Variants in ANKRD46 observed in about 807,000 individuals in gnomAD.
ANKRD46 encodes ankyrin repeat domain 46, also known as ankyrin repeat domain-containing protein 46.
In ANKRD46, 13 loss-of-function variants were observed where a neutral mutation model predicts 19.8. The observed-to-expected ratio is 0.66, with a 90% CI of 0.43 to 1.04. The LOEUF is 1.04. ANKRD46 is among the 50% of genes least tolerant of loss of function. ANKRD46 has a pLI of 0.00. For synonymous variants in ANKRD46, 91 were observed against 106.9 expected (o/e 0.85, Z 0.92); for missense variants, 185 against 274.8 (o/e 0.67, Z 2.31).
In ANKRD46 at chr8:100,543,622, T is replaced by A. The variant is rs1812217769; in HGVS notation, c.-130-10311A>T. The stretch of plus-strand genomic sequence containing the variant: ...TCTTCAAACAATAGGAGAGTAAGTT[T>A]CTTGTTTTTAAATAAATAAATTACA... On this transcript the variant is annotated intron_variant, in intron 1 of 4. Transcript: ENST00000335659. The surrounding 1 kb of genome is among the most constrained non-coding windows in gnomAD (Gnocchi z 4.2). Among the ~76,000 whole-genome samples, 1 of 152,198 alleles carries A rather than the reference T, an allele frequency of 6.6e-6. No individual in the cohort carries two copies. Among genetic ancestry groups the A allele is most frequent in the Non-Finnish European group, 1.5e-5 (1 of 68,030 alleles).
chr8:100,522,514 A>G lies in ANKRD46; in HGVS notation c.*41T>C. The stretch of plus-strand genomic sequence containing the variant: ...AAACTGAGAACAAACATTGGAAGCC[A>G]GGAAACAGGCAATTAATTGCCTCAT... On this transcript the variant is annotated 3_prime_UTR_variant, in exon 5 of 5. Transcript: ENST00000335659. The G allele has an allele frequency of 6.2e-7, 1 of 1,606,458 alleles. No homozygotes were observed. The highest frequency in any genetic ancestry group is 8.5e-7 in the Non-Finnish European group (1 of 1,175,256).
At chr8:100,554,868 C>G (rs1366088256) in intron 1 of ANKRD46, among the ~76,000 whole-genome samples, 2 of 151,860 alleles carry the variant, frequency 1.3e-5, no homozygotes, top group African/African-American at 2.4e-5. Flanking sequence ...CCCATCTCCA[C>G]TAAAAATACA....
Position 100,532,276 on chromosome 8 carries a change from G to A in ANKRD46, c.-28+933C>T, listed in dbSNP as rs1265174013. 1 of 152,150 alleles carries A rather than the reference G, an allele frequency of 6.6e-6. No individual in the cohort carries two copies. Among genetic ancestry groups the A allele is most frequent in the African/African-American group, 2.4e-5 (1 of 41,420 alleles). 9.4% of individuals were successfully genotyped at this position (152,150 alleles called of 1,614,324 possible). ...AAGCCCAGGAGTTCGAAACTAGCCT[G>A]GGCAACATAGCGAGAGACCCTGTCT... On this transcript the variant is annotated intron_variant, in intron 2 of 4. Transcript: ENST00000335659. The surrounding 1 kb of genome is among the most constrained non-coding windows in gnomAD (Gnocchi z 4.7).
Position 100,511,357 on chromosome 8 carries a change from CAA to C in ANKRD46, c.637-720_637-719del, listed in dbSNP as rs2130622987. Reference sequence around the variant, plus strand: ...ACCACACTCTTCTGCCTCCCAGTCACAAAAGAGTGGGTGTTTATGACAAGGAG... The same window carrying C: ...ACCACACTCTTCTGCCTCCCAGTCACAAGAGTGGGTGTTTATGACAAGGAG... On this transcript the variant is annotated intron_variant, in intron 5 of 5. Coordinates refer to the ANKRD46 transcript ENST00000520552. The surrounding 1 kb of genome is among the most constrained non-coding windows in gnomAD (Gnocchi z 4.1). 6.6e-6 allele frequency among the ~76,000 whole-genome samples: 1 copy of C among 152,212 alleles called. No homozygotes were observed. Among genetic ancestry groups the C allele is most frequent in the South Asian group, 2.1e-4 (1 of 4,824 alleles).
At chr8:100,554,325 A>G (rs1315860272) in intron 1 of ANKRD46, among the ~76,000 whole-genome samples, 3 of 151,202 alleles carry the variant, frequency 2.0e-5, no homozygotes, top group Non-Finnish European at 4.4e-5. Flanking sequence ...ACTAAAAAAA[A>G]GTATCTACTT....
intron 1 of ANKRD46, among the ~76,000 whole-genome samples, chr8:100,552,706 G>C (rs1812418719): frequency 6.6e-6 from 1 of 152,128 alleles, no homozygotes; most frequent in Non-Finnish European, 1.5e-5. Flanking sequence ...TTTTTCTATG[G>C]TGTATAAATG....
At chr8:100,516,797 C>T (rs966538896), downstream of ANKRD46, among the ~76,000 whole-genome samples, 1 of 152,182 alleles carries the variant, frequency 6.6e-6, no homozygotes, top group African/African-American at 2.4e-5. Flanking sequence ...ACAAAAGTTC[C>T]TTGTCAGGGG....
In ANKRD46 at chr8:100,536,448, T is replaced by TA. The variant is rs1226639840; in HGVS notation, c.-130-3138dup. ...GGGTTTGAACCCCAGCTCAGCTACTTACTAGCTGTATGACTTAGCACTCAA... is the reference window on the plus strand; with the variant it reads ...GGGTTTGAACCCCAGCTCAGCTACTTAACTAGCTGTATGACTTAGCACTCAA... On this transcript the variant is annotated intron_variant, in intron 1 of 4. Coordinates refer to ENST00000335659, the MANE Select transcript of ANKRD46 (RefSeq NM_001270377.2). The surrounding 1 kb of genome is among the most constrained non-coding windows in gnomAD (Gnocchi z 4.9). Among the ~76,000 whole-genome samples, 1 of 152,210 alleles carries TA rather than the reference T, an allele frequency of 6.6e-6. No individual in the cohort carries two copies. Among genetic ancestry groups the TA allele is most frequent in the Non-Finnish European group, 1.5e-5 (1 of 68,040 alleles).
downstream of ANKRD46, chr8:100,520,741 TA>T (rs5893523): frequency 0.044 from 31,444 of 709,710 alleles, 142 homozygotes; most frequent in African/African-American, 0.11. Context: ...TATAATACAC[TA>T]AAAAAAAAAA....
intron 5 of ANKRD46, among the ~76,000 whole-genome samples, chr8:100,514,596 T>C (rs1811597720): frequency 6.7e-6 from 1 of 149,378 alleles, no homozygotes; most frequent in Non-Finnish European, 1.5e-5. Flanking sequence ...TTATCCTGAG[T>C]GTGGGTTATT....
intron 1 of ANKRD46, among the ~76,000 whole-genome samples, chr8:100,555,139 T>C (rs1563494397): frequency 1.3e-5 from 2 of 151,984 alleles, no homozygotes; most frequent in Non-Finnish European, 2.9e-5. Context: ...ATAGAATGCC[T>C]AGACAAAACC....
Position 100,511,191 on chromosome 8 carries a change from T to A in ANKRD46, c.637-552A>T, listed in dbSNP as rs927795072. On this transcript the variant is annotated intron_variant, in intron 5 of 5. Transcript: ENST00000520552. This position sits in a 1 kb window ranked among gnomAD's most constrained non-coding sequence, Gnocchi z 4.1. ...ATTCCCATGTAACAGATGAGCTGAG[T>A]CAGGAATATCCCCATTGAACAGATG... Among the ~76,000 whole-genome samples, 1 of 152,066 alleles carries A rather than the reference T, an allele frequency of 6.6e-6. No homozygotes were observed. Among genetic ancestry groups the A allele is most frequent in the Non-Finnish European group, 1.5e-5 (1 of 67,984 alleles).
Position 100,546,545 on chromosome 8 carries a change from C to T in ANKRD46, c.-131+13166G>A, listed in dbSNP as rs767042387. ...ATATGGAAATTCCTGGATGTCCAGA[C>T]AGAAGTCTGCTACAGGGGCAGAGCC... On this transcript the variant is annotated intron_variant, in intron 1 of 4. Coordinates refer to ENST00000335659, the MANE Select transcript of ANKRD46 (RefSeq NM_001270377.2). This position sits in a 1 kb window ranked among gnomAD's most constrained non-coding sequence, Gnocchi z 4.0. Among the ~76,000 whole-genome samples, 3 of 152,204 alleles carry T rather than the reference C, an allele frequency of 2.0e-5. No individual in the cohort carries two copies. Among genetic ancestry groups the T allele is most frequent in the Admixed American group, 6.5e-5 (1 of 15,282 alleles).
chr8:100,549,722 A>T (rs758231414), intron 1 of ANKRD46, among the ~76,000 whole-genome samples: 4 of 152,166 alleles, frequency 2.6e-5, no homozygotes, highest in Non-Finnish European at 4.4e-5. Context: ...CATAGTTTGC[A>T]TTAGGGTTCA....
intron 2 of ANKRD46, among the ~76,000 whole-genome samples, chr8:100,530,352 T>G (rs1250495577): frequency 1.3e-5 from 2 of 152,004 alleles, no homozygotes; most frequent in African/African-American, 2.4e-5. Context: ...GAACTTATAC[T>G]CAACAAAGAC....
intron 5 of ANKRD46, among the ~76,000 whole-genome samples, chr8:100,515,666 G>T (rs926612514): frequency 6.6e-6 from 1 of 151,268 alleles, no homozygotes; most frequent in African/African-American, 2.4e-5. Flanking sequence ...GGGGGAGGGG[G>T]GGGGCGGTGA....
chr8:100,553,425 A>G (rs190228254), intron 1 of ANKRD46, among the ~76,000 whole-genome samples: 18 of 152,378 alleles, frequency 1.2e-4, no homozygotes, highest in Non-Finnish European at 2.5e-4. Flanking sequence ...CTGTTTCAAC[A>G]AAGTCACACT....
rs1299085739 is a variant in ANKRD46 at position 100,524,986 on chromosome 8, T to C, written c.471-2215A>G. ...AAATGTGATAGCTATACTGTTTTTG[T>C]TATCCCATACCTACAAAGTAAAAAG... is the stretch of plus-strand genomic sequence containing the variant. On this transcript the variant is annotated intron_variant, in intron 4 of 4. Transcript: ENST00000335659. The surrounding 1 kb of genome is among the most constrained non-coding windows in gnomAD (Gnocchi z 4.3). Among the ~76,000 whole-genome samples, 1 of 148,818 alleles carries C rather than the reference T, an allele frequency of 6.7e-6. No homozygotes were observed. Among genetic ancestry groups the C allele is most frequent in the Non-Finnish European group, 1.5e-5 (1 of 66,946 alleles).
intron 1 of ANKRD46, among the ~76,000 whole-genome samples, chr8:100,540,763 G>T (rs1812159492): frequency 6.6e-6 from 1 of 152,036 alleles, no homozygotes; most frequent in African/African-American, 2.4e-5. Flanking sequence ...AGGAATGCTG[G>T]TTATTTTGGA....
Sources: gnomAD v4.1 joint callset for allele counts (sites outside exome capture counted in the v4.1 genomes callset) on GRCh38, gnomAD v4.1.1 for gene constraint, Gnocchi (gnomAD v3.1) non-coding constraint, MANE v1.5 for transcripts, NCBI Gene and HGNC (gene_info 2026-07-23, HGNC 2026-07-21) for gene names.